Variants in MAP4 observed in about 807,000 individuals in gnomAD.
MAP4 encodes microtubule associated protein 4.
In MAP4, 76 loss-of-function variants were observed where a neutral mutation model predicts 170.2. The observed-to-expected ratio is 0.45, with a 90% CI of 0.37 to 0.54. The LOEUF (loss-of-function observed/expected upper bound fraction) is 0.54. MAP4 is among the 20% of genes least tolerant of loss of function. MAP4 has a pLI of 0.00. For synonymous variants in MAP4, 909 were observed against 994.5 expected (o/e 0.91, Z 1.62); for missense variants, 2,506 against 2,748.0 (o/e 0.91, Z 1.97).
upstream of MAP4, among the ~76,000 whole-genome samples, chr3:48,019,205 G>A (rs2100109337): frequency 1.3e-5 from 2 of 152,196 alleles, no homozygotes; most frequent in African/African-American, 4.8e-5. Context: ...AGCTGGGCAT[G>A]GTGGTGTGTG....
At chr3:47,929,076 G>C (rs2100047810) in intron 3 of MAP4, among the ~76,000 whole-genome samples, 1 of 152,200 alleles carries the variant, frequency 6.6e-6, no homozygotes, top group Non-Finnish European at 1.5e-5. Context: ...ACTCAGGCTG[G>C]GAGAAGTGGC....
At position 48,054,629 on chromosome 3, in the gene MAP4, C is replaced by CAA. The variant is rs745809251; in HGVS notation, c.-20+34142_-20+34143dup. 6.3e-4 allele frequency among the ~76,000 whole-genome samples: 25 copies of CAA among 39,556 alleles called. 2 individuals are homozygous for CAA. The highest frequency in any genetic ancestry group is 1.2e-3 in the Admixed American group (3 of 2,556). The allele number at this position is 39,556 out of a possible 152,430, so 26.0% of individuals were successfully genotyped here. Reference sequence around the variant, plus strand: ...TGGGCGACAGTGTAAGACTCCATCTCAAAAAAAAAAAAAAAAAAAAAAAAA... The same window carrying CAA: ...TGGGCGACAGTGTAAGACTCCATCTCAAAAAAAAAAAAAAAAAAAAAAAAAAA... On this transcript the variant is annotated intron_variant, in intron 1 of 18. Transcript: ENST00000360240.
intron 11 of MAP4, among the ~76,000 whole-genome samples, 158 bp from the exon 12 acceptor site, chr3:47,876,058 CTTCTGAGCTCAATAAATAA>C: frequency 6.6e-6 from 1 of 151,746 alleles, no homozygotes; most frequent in Non-Finnish European, 1.5e-5. Context: ...GCATTTCTTT[CTTCTGAGCTCAATAAATAA>C]TGGAATGAAA....
intron 1 of MAP4, among the ~76,000 whole-genome samples, chr3:48,065,403 T>C (rs1395490764): frequency 2.0e-5 from 3 of 152,186 alleles, no homozygotes; most frequent in Admixed American, 2.0e-4. Flanking sequence ...ATCATGTGAT[T>C]TGTATGCACA....
At chr3:47,873,295 T>C (rs994161792) in intron 12 of MAP4, among the ~76,000 whole-genome samples, 4 of 152,066 alleles carry the variant, frequency 2.6e-5, no homozygotes, top group African/African-American at 9.7e-5. Context: ...ACGTCTCTAG[T>C]GAATAAGGGA....
At chr3:47,890,413 A>T (rs1355159448) in intron 10 of MAP4, among the ~76,000 whole-genome samples, 2 of 152,246 alleles carry the variant, frequency 1.3e-5, no homozygotes, top group African/African-American at 4.8e-5. Context: ...GATTGGGTCA[A>T]ACATGAAGAA....
chr3:48,035,020 A>C (rs1237751035), intron 1 of MAP4, among the ~76,000 whole-genome samples: 1 of 152,108 alleles, frequency 6.6e-6, no homozygotes, highest in Non-Finnish European at 1.5e-5. Flanking sequence ...GTCAAAAAAA[A>C]TAACTTATTC....
In MAP4 at chr3:47,976,079, C is replaced by T. The variant is rs1185330499; in HGVS notation, c.292+1786G>A. On this transcript the variant is annotated intron_variant, in intron 3 of 20. Transcript: ENST00000683076. ...TGCTGGGATTACAGGCGTGAGCCACCGCGCCCGGCCTAGTATCTATTTTAA... is the reference window on the plus strand; with the variant it reads ...TGCTGGGATTACAGGCGTGAGCCACTGCGCCCGGCCTAGTATCTATTTTAA... 7.2e-5 allele frequency among the ~76,000 whole-genome samples: 11 copies of T among 152,140 alleles called. 1 individual carries two copies. The highest frequency in any genetic ancestry group is 9.7e-5 in the African/African-American group (4 of 41,420).
intron 10 of MAP4, among the ~76,000 whole-genome samples, chr3:47,893,258 C>T (rs555521999): frequency 2.6e-5 from 4 of 152,288 alleles, no homozygotes; most frequent in South Asian, 2.1e-4. Context: ...GATAGATATT[C>T]TAATTATAAG....
At chr3:48,079,641 C>T (rs958888319) in intron 1 of MAP4, among the ~76,000 whole-genome samples, 3 of 146,424 alleles carry the variant, frequency 2.0e-5, no homozygotes, top group Non-Finnish European at 4.5e-5. Context: ...GGTGACACAG[C>T]AAGACTCCAT....
At chr3:47,923,829 A>G (rs926922765) in intron 4 of MAP4, among the ~76,000 whole-genome samples, 1 of 152,074 alleles carries the variant, frequency 6.6e-6, no homozygotes, top group Admixed American at 6.6e-5. Flanking sequence ...AATAAATAAT[A>G]AAAACAGAAC....
At chr3:48,047,422 G>A (rs1473102641) in intron 1 of MAP4, among the ~76,000 whole-genome samples, 1 of 151,984 alleles carries the variant, frequency 6.6e-6, no homozygotes, top group Non-Finnish European at 1.5e-5. Flanking sequence ...CATCAGGTAG[G>A]GTAGAGCAAG....
intron 1 of MAP4, among the ~76,000 whole-genome samples, chr3:48,084,730 C>T (rs558254426): frequency 6.6e-6 from 1 of 152,116 alleles, no homozygotes; most frequent in Non-Finnish European, 1.5e-5. Context: ...CACATGCCAC[C>T]ACACCTAGCT....
chr3:48,061,625 A>G (rs1248282995), intron 1 of MAP4, among the ~76,000 whole-genome samples: 1 of 148,446 alleles, frequency 6.7e-6, no homozygotes, highest in African/African-American at 2.5e-5. Flanking sequence ...CCGTCTGGGA[A>G]GTGAGGAGCG....
intron 10 of MAP4, among the ~76,000 whole-genome samples, chr3:47,885,586 G>A (rs557093371): frequency 1.3e-5 from 2 of 152,252 alleles, no homozygotes; most frequent in East Asian, 1.9e-4. Flanking sequence ...TTGGTAGGAG[G>A]TTTTTGTAAT....
Position 47,911,369 on chromosome 3 carries a change from T to G in MAP4, c.3052A>C (p.Lys1018Gln). The G allele has an allele frequency of 1.3e-6, 2 of 1,535,982 alleles. No homozygotes were observed. Among genetic ancestry groups the G allele is most frequent in the Non-Finnish European group, 1.7e-6 (2 of 1,146,886 alleles). Reference protein sequence around the residue: ...EGAEEDKELKKEAFPNERQEI... With the variant: ...EGAEEDKELKQEAFPNERQEI... ...TGTCTTTCGTTGGGAAAAGCTTCCT[T>G]TTTTAGTTCTTTATCCTCTTCAGCT... Residue 1018 changes from lysine to glutamine, a missense_variant, in exon 9 of 21, where the codon AAG (lysine) becomes CAG (glutamine). Lys to Gln is a moderately conservative substitution (Grantham distance 53). Transcript: ENST00000683076. This position sits in a 1 kb window ranked among gnomAD's most constrained non-coding sequence, Gnocchi z 4.0.
intron 1 of MAP4, among the ~76,000 whole-genome samples, chr3:48,044,298 G>C (rs1312016197): frequency 2.7e-5 from 4 of 149,462 alleles, no homozygotes; most frequent in Admixed American, 2.7e-4. Flanking sequence ...GGGACTACAG[G>C]CACCCGCCAC....
At chr3:47,951,314 C>T (rs1284021274) in intron 3 of MAP4, among the ~76,000 whole-genome samples, 2 of 151,640 alleles carry the variant, frequency 1.3e-5, no homozygotes, top group African/African-American at 4.9e-5. Flanking sequence ...ATTGGTCAGA[C>T]CCTCTCCCTC....
chr3:47,984,363 A>G (rs560895900), intron 2 of MAP4, among the ~76,000 whole-genome samples: 2 of 152,320 alleles, frequency 1.3e-5, no homozygotes, highest in African/African-American at 4.8e-5. Context: ...TGACTTTCAT[A>G]TAAGATGCAG....
Sources: allele counts gnomAD v4.1 joint callset (sites outside exome capture counted in the v4.1 genomes callset), GRCh38; gene constraint gnomAD v4.1.1; non-coding constraint Gnocchi (gnomAD v3.1); transcripts MANE v1.5; gene names NCBI Gene and HGNC (gene_info 2026-07-23, HGNC 2026-07-21).